The following TESPA1 variants were observed in gnomAD, a reference collection of about 807,000 sequenced individuals.
The protein encoded by TESPA1 is protein TESPA1.
Under a neutral mutation model 57.9 loss-of-function variants are expected in TESPA1, and 33 were observed. The ratio of observed to expected loss-of-function variants is 0.57; its 90% confidence interval spans 0.43 to 0.76. TESPA1 has a LOEUF of 0.76. Among genes scored for constraint, TESPA1 ranks in the 30% least tolerant of loss-of-function variants. The pLI is 0.00. For missense variants in TESPA1, 618 were observed against 632.9 expected (o/e 0.98, Z 0.25); for synonymous variants, 227 against 228.9 (o/e 0.99, Z 0.07).
intron 1 of TESPA1, among the ~76,000 whole-genome samples, chr12:54,979,186 G>T (rs2136210017): frequency 6.7e-6 from 1 of 148,476 alleles, no homozygotes; most frequent in East Asian, 2.2e-4. Flanking sequence ...TATGAAGCTT[G>T]AACTACCAAA....
rs963382406 is a variant in TESPA1, at chr12:54,948,416, T to A, written c.*1976A>T. The A allele has an allele frequency of 6.2e-6, 1 of 160,324 alleles. No homozygotes were observed. Among genetic ancestry groups the A allele is most frequent in the South Asian group, 2.0e-4 (1 of 4,910 alleles). 9.9% of individuals were successfully genotyped at this position (160,324 alleles called of 1,614,324 possible). On this transcript the variant is annotated 3_prime_UTR_variant, in exon 11 of 11. Coordinates refer to ENST00000449076, the MANE Select transcript of TESPA1 (RefSeq NM_001136030.3). ...ATCTCATGTCAAACTGTAATCCCCA[T>A]TGTTGGAGGTGGGGCCTGGTGGGTG... is the stretch of plus-strand genomic sequence containing the variant.
intron 10 of TESPA1, among the ~76,000 whole-genome samples, chr12:54,955,604 C>T (rs955316753): frequency 1.3e-5 from 2 of 152,164 alleles, no homozygotes; most frequent in Non-Finnish European, 2.9e-5. Flanking sequence ...TATTTGACAA[C>T]AGCCATGTAA....
chr12:54,954,762 G>C (rs893757455), intron 10 of TESPA1, among the ~76,000 whole-genome samples: 1 of 152,144 alleles, frequency 6.6e-6, no homozygotes, highest in African/African-American at 2.4e-5. Context: ...ATATTGCAAG[G>C]CTTCCTTTCT....
intron 10 of TESPA1, among the ~76,000 whole-genome samples, chr12:54,958,381 GT>G (rs1293428527): frequency 6.6e-6 from 1 of 152,026 alleles, no homozygotes. Flanking sequence ...TCTTATCTTT[GT>G]TTTTTTATAG....
rs749356764 is a variant in TESPA1, at chr12:54,962,962, C to T, written c.936G>A (p.Leu312=). 3 of 1,613,534 alleles carry T rather than the reference C, an allele frequency of 1.9e-6. No individual in the cohort carries two copies. In the South Asian group the frequency reaches 3.3e-5, roughly 18 times the overall value. Residue 312 remains leucine (L), a synonymous_variant, in exon 9 of 11, where the codon TTG becomes TTA. Coordinates refer to ENST00000449076, the MANE Select transcript of TESPA1 (RefSeq NM_001136030.3). ...PPHNTPKRNS[L]DQVVLEVMDK... The stretch of plus-strand genomic sequence containing the variant: ...CCATCACTTCCAACACAACTTGGTC[C>T]AAACTGTTCCTTTTGGGGGTGTTGT...
rs978390120 is a variant in TESPA1 at position 54,952,114 on chromosome 12, T to C, written c.*2-1724A>G. On this transcript the variant is annotated intron_variant, in intron 10 of 10. Coordinates refer to ENST00000449076, the MANE Select transcript of TESPA1 (RefSeq NM_001136030.3). ...ATAAACTCATCAGGGTGAGGCCCCATGATGGGAATCTTGGCTATATAAGAA... is the reference window on the plus strand; with the variant it reads ...ATAAACTCATCAGGGTGAGGCCCCACGATGGGAATCTTGGCTATATAAGAA... Among the ~76,000 whole-genome samples, 4 of 152,302 alleles carry C rather than the reference T, an allele frequency of 2.6e-5. No homozygotes were observed. The Middle Eastern group carries it at 0.014, about 518-fold the overall frequency.
chr12:54,965,355 C>T (rs935688540), intron 7 of TESPA1, among the ~76,000 whole-genome samples: 4 of 152,122 alleles, frequency 2.6e-5, no homozygotes, highest in Non-Finnish European at 4.4e-5. Flanking sequence ...CTCACCCCAT[C>T]CCCTGACAGG....
intron 10 of TESPA1, 136 bp from the exon 11 acceptor site, chr12:54,950,526 C>A (rs143798864): frequency 3.2e-5 from 11 of 346,684 alleles, no homozygotes; most frequent in African/African-American, 2.4e-4. Flanking sequence ...TTATTAGCAG[C>A]AGCAGCAAAG....
chr12:54,957,098 C>T (rs555714180), intron 10 of TESPA1, among the ~76,000 whole-genome samples: 1 of 152,232 alleles, frequency 6.6e-6, no homozygotes, highest in East Asian at 1.9e-4. Context: ...AAGGCACTCA[C>T]CCTATGTGAA....
In TESPA1 at chr12:54,949,467, T is replaced by C. The variant is rs1167565790; in HGVS notation, c.*925A>G. ...AATGCGTGCATCTTACTTCTCCCAT[T>C]CTATTAATATTAATATTTTCTCAGG... On this transcript the variant is annotated 3_prime_UTR_variant, in exon 11 of 11. Transcript: ENST00000449076. 1.3e-5 allele frequency: 2 copies of C among 151,950 alleles called. No individual in the cohort carries two copies. Among genetic ancestry groups the C allele is most frequent in the Non-Finnish European group, 2.9e-5 (2 of 67,972 alleles). 9.4% of individuals were successfully genotyped at this position (151,950 alleles called of 1,614,324 possible).
chr12:54,968,425 A>G (rs1951588488), intron 3 of TESPA1, among the ~76,000 whole-genome samples: 1 of 152,246 alleles, frequency 6.6e-6, no homozygotes, highest in South Asian at 2.1e-4. Context: ...AAATTTTCAG[A>G]CATGGTCTTA....
rs1465584720 is a variant in TESPA1, at chr12:54,973,531, A to C, written c.164-12T>G. On this transcript the variant is annotated splice_polypyrimidine_tract_variant and intron_variant, in intron 2 of 10. Coordinates refer to ENST00000449076, the MANE Select transcript of TESPA1 (RefSeq NM_001136030.3). ...ATTGATTGGATTCCCTAGAAAAGTC[A>C]GACACTAGATCACTGTGAGAACTGA... The C allele has an allele frequency of 6.2e-7, 1 of 1,614,034 alleles. No homozygotes were observed. Among genetic ancestry groups the C allele is most frequent in the Admixed American group, 1.7e-5 (1 of 60,034 alleles).
At chr12:54,967,073 C>A in intron 5 of TESPA1, 110 bp downstream of exon 5, 1 of 1,234,232 alleles carries the variant, frequency 8.1e-7, no homozygotes, top group African/African-American at 1.5e-5. Context: ...TAGATAAGAC[C>A]CCAGGGATGG....
chr12:54,975,406 T>A (rs948949390), intron 1 of TESPA1, among the ~76,000 whole-genome samples: 43 of 152,110 alleles, frequency 2.8e-4, no homozygotes, highest in Admixed American at 9.2e-4. Flanking sequence ...ATTGATGTAT[T>A]TTTCCAAGAG....
At position 54,962,907 on chromosome 12, in the gene TESPA1, G is replaced by A. The variant is rs1428710954; in HGVS notation, c.991C>T (p.Gln331Ter). The change falls in exon 9 of 11, where the codon CAG becomes TAG. Residue 331 changes from glutamine (Q) to a stop codon, truncating the protein, a stop_gained. Transcript: ENST00000449076. LOFTEE classifies it high-confidence loss of function. Reference sequence around the variant, plus strand: ...AATTGCCCCAAATCAGAGTCTTGCTGGAGGAACTGCTTCTCTTCTTTCACT... The same window carrying A: ...AATTGCCCCAAATCAGAGTCTTGCTAGAGGAACTGCTTCTCTTCTTTCACT... ...DKVKEEKQFL[Q>*]QDSDLGQFSQ... 6.2e-7 allele frequency: 1 copy of A among 1,613,656 alleles called. No homozygotes were observed. The highest frequency in any genetic ancestry group is 1.3e-5 in the African/African-American group (1 of 74,910).
chr12:54,970,069 G>C (rs1302076153), intron 3 of TESPA1, among the ~76,000 whole-genome samples: 3 of 152,160 alleles, frequency 2.0e-5, no homozygotes, highest in Non-Finnish European at 4.4e-5. Context: ...TAGGACTAAA[G>C]GTGCTGCCAT....
rs141763939 is a variant in TESPA1, at chr12:54,983,606, A to G, written c.-46+979T>C. On this transcript the variant is annotated intron_variant, in intron 1 of 10. Transcript: ENST00000449076. ...ATTTGTGGTATACAGAGTCACTAGTACTTCCCTGGATATCTCCTGTAAATG... is the reference window on the plus strand; with the variant it reads ...ATTTGTGGTATACAGAGTCACTAGTGCTTCCCTGGATATCTCCTGTAAATG... 2.1e-4 allele frequency among the ~76,000 whole-genome samples: 32 copies of G among 152,250 alleles called. No homozygotes were observed. In the East Asian group the frequency reaches 6.2e-3, roughly 30 times the overall value.
At chr12:54,961,315 G>T in intron 9 of TESPA1, 48 bp from the exon 10 acceptor site, 1 of 1,608,686 alleles carries the variant, frequency 6.2e-7, no homozygotes, top group Non-Finnish European at 8.5e-7. Flanking sequence ...GGGGGAAAGG[G>T]GGTAAGGAAA....
chr12:54,980,948 C>T (rs1952293681), intron 1 of TESPA1, among the ~76,000 whole-genome samples: 1 of 151,682 alleles, frequency 6.6e-6, no homozygotes. Flanking sequence ...TTCTTCTATA[C>T]CTAAGTTTCT....
Sources: allele counts gnomAD v4.1 joint callset (sites outside exome capture counted in the v4.1 genomes callset), GRCh38; gene constraint gnomAD v4.1.1; transcripts MANE v1.5; gene names NCBI Gene and HGNC (gene_info 2026-07-23, HGNC 2026-07-21).